TNPO1: variants seen among roughly 807,000 people sequenced by gnomAD.
TNPO1 encodes transportin 1, also known as transportin-1.
Under a neutral mutation model 119.5 loss-of-function variants are expected in TNPO1, and 8 were observed. That is an observed-to-expected ratio of 0.07 (90% CI 0.04 to 0.12). TNPO1 has a LOEUF of 0.12. TNPO1 is among the 10% of genes least tolerant of loss of function. The probability of loss-of-function intolerance (pLI) is 1.00; values close to 1 mark genes in which losing one functional copy is unlikely to be tolerated. For missense variants in TNPO1, 576 were observed against 1,089.8 expected, an observed-to-expected ratio of 0.53 and a Z score of 6.64; for synonymous variants, 362 against 363.0, an observed-to-expected ratio of 1.00 and a Z score of 0.03.
At chr5:72,871,099 C>T (rs1234997690) in intron 6 of TNPO1, among the ~76,000 whole-genome samples, 1 of 152,102 alleles carries the variant, frequency 6.6e-6, no homozygotes, top group Non-Finnish European at 1.5e-5. Flanking sequence ...GCCTCAGCCT[C>T]CCGAATAGCT....
chr5:72,826,601 A>G (rs1308941662), intron 1 of TNPO1, among the ~76,000 whole-genome samples: 1 of 152,218 alleles, frequency 6.6e-6, no homozygotes, highest in Non-Finnish European at 1.5e-5. Context: ...TTGTTAAATG[A>G]ATTGTTCGTG....
chr5:72,882,407 CTT>C (rs1748309739), intron 9 of TNPO1, 58 bp from the exon 10 acceptor site: 1 of 1,299,808 alleles, frequency 7.7e-7, no homozygotes, highest in African/African-American at 1.5e-5. Context: ...AAGGTTAAGA[CTT>C]ATTAATTATT....
intron 4 of TNPO1, among the ~76,000 whole-genome samples, chr5:72,856,610 G>C (rs371230178): frequency 6.6e-6 from 1 of 152,078 alleles, no homozygotes; most frequent in Non-Finnish European, 1.5e-5. Flanking sequence ...CTTTTTAATT[G>C]CTTATGAAAA....
intron 9 of TNPO1, among the ~76,000 whole-genome samples, chr5:72,878,155 GA>G (rs1747948513): frequency 1.3e-5 from 2 of 152,100 alleles, no homozygotes; most frequent in South Asian, 4.1e-4. Context: ...GCTATAGAGA[GA>G]GAGAGAGAGA....
chr5:72,842,204 G>C (rs1015025245), intron 1 of TNPO1, among the ~76,000 whole-genome samples: 5 of 152,222 alleles, frequency 3.3e-5, no homozygotes, highest in Admixed American at 3.3e-4. Context: ...CACCACAAAG[G>C]TATCAAAATA....
chr5:72,875,341 A>G (rs772063366), intron 7 of TNPO1, among the ~76,000 whole-genome samples: 1 of 152,228 alleles, frequency 6.6e-6, no homozygotes, highest in Non-Finnish European at 1.5e-5. Flanking sequence ...AAATGCTCCT[A>G]TGTCCTAATG....
intron 10 of TNPO1, 133 bp from the exon 11 acceptor site, chr5:72,882,931 C>A (rs1432700150): frequency 5.6e-6 from 4 of 709,004 alleles, no homozygotes; most frequent in Non-Finnish European, 9.8e-6. Flanking sequence ...GGGCGTGGTT[C>A]TTAATCACTC....
chr5:72,867,266 G>T (rs1746978998), intron 6 of TNPO1, among the ~76,000 whole-genome samples: 1 of 151,884 alleles, frequency 6.6e-6, no homozygotes, highest in Non-Finnish European at 1.5e-5. Flanking sequence ...GTATATTTGG[G>T]TAATAACTAT....
chr5:72,877,715 A>G (rs1343278275), intron 9 of TNPO1, among the ~76,000 whole-genome samples: 3 of 152,138 alleles, frequency 2.0e-5, no homozygotes, highest in Non-Finnish European at 4.4e-5. Context: ...TTGTGATGCA[A>G]CAGAATTTAG....
At position 72,885,663 on chromosome 5, in the gene TNPO1, T is replaced by C. The variant is rs1029216116; in HGVS notation, c.1151-1407T>C. Among the ~76,000 whole-genome samples, 44 of 152,138 alleles carry C rather than the reference T, an allele frequency of 2.9e-4. 2 individuals are homozygous for C. The highest frequency in any genetic ancestry group is 1.2e-3 in the East Asian group (6 of 5,196). ...ACTGTTTAGTTGTATGGCTCTACCATGTGGTATAACTAAGATCCTTATTGA... is the reference window on the plus strand; with the variant it reads ...ACTGTTTAGTTGTATGGCTCTACCACGTGGTATAACTAAGATCCTTATTGA... On this transcript the variant is annotated intron_variant, in intron 11 of 24. Transcript: ENST00000337273.
chr5:72,875,351 G>A (rs1381016179), intron 7 of TNPO1, among the ~76,000 whole-genome samples: 1 of 152,108 alleles, frequency 6.6e-6, no homozygotes, highest in Non-Finnish European at 1.5e-5. Flanking sequence ...ATGTCCTAAT[G>A]ACATGGTTTC....
rs1401163021 is a variant in TNPO1 at position 72,882,459 on chromosome 5, C to A, written c.921-8C>A. The A allele has an allele frequency of 1.2e-6, 2 of 1,602,664 alleles. No individual in the cohort carries two copies. The highest frequency in any genetic ancestry group is 1.7e-5 in the Admixed American group (1 of 58,920). ...AGGTCTTTGTTTCATGAATTTCTTT[C>A]TTTATAGGTTGATTCCTGTGTTAGT... On this transcript the variant is annotated splice_region_variant and splice_polypyrimidine_tract_variant and intron_variant, in intron 9 of 24. Coordinates refer to ENST00000337273, the MANE Select transcript of TNPO1 (RefSeq NM_002270.4).
chr5:72,902,608 C>T (rs1164041676), intron 22 of TNPO1, among the ~76,000 whole-genome samples: 3 of 151,500 alleles, frequency 2.0e-5, no homozygotes, highest in South Asian at 2.1e-4. Context: ...AAGTATCTTC[C>T]GACCAAGATT....
At chr5:72,853,929 G>A (rs896117698) in intron 3 of TNPO1, among the ~76,000 whole-genome samples, 3 of 152,130 alleles carry the variant, frequency 2.0e-5, no homozygotes, top group Admixed American at 1.3e-4. Flanking sequence ...GTAAAACAAA[G>A]GAAATCGTTA....
At chr5:72,841,110 ACT>A (rs200571095) in intron 1 of TNPO1, among the ~76,000 whole-genome samples, 102 of 138,130 alleles carry the variant, frequency 7.4e-4, no homozygotes, top group African/African-American at 2.5e-3. Context: ...CTGGTTTTAG[ACT>A]CTCTCTCTTT....
intron 6 of TNPO1, among the ~76,000 whole-genome samples, chr5:72,866,667 T>C (rs1278480766): frequency 6.6e-6 from 1 of 152,032 alleles, no homozygotes; most frequent in Admixed American, 6.6e-5. Flanking sequence ...GGTGGGAGGA[T>C]TGCTTAAGCC....
intron 3 of TNPO1, among the ~76,000 whole-genome samples, chr5:72,855,145 A>G (rs1355896032): frequency 6.6e-6 from 1 of 151,930 alleles, no homozygotes; most frequent in Non-Finnish European, 1.5e-5. Flanking sequence ...AAAGGCACAC[A>G]CCACCATGCC....
chr5:72,858,740 GGCAGGA>G (rs1409825142), intron 4 of TNPO1, among the ~76,000 whole-genome samples: 1 of 152,076 alleles, frequency 6.6e-6, no homozygotes, highest in Non-Finnish European at 1.5e-5. Context: ...TGGAGGCTGA[GGCAGGA>G]GAATGGCATG....
chr5:72,877,477 A>G, intron 9 of TNPO1, 131 bp downstream of exon 9: 1 of 497,928 alleles, frequency 2.0e-6, no homozygotes, highest in Non-Finnish European at 3.5e-6. Context: ...ACTTAATTTT[A>G]TTGTTGGTAA....
Sources: gnomAD v4.1 joint callset for allele counts (sites outside exome capture counted in the v4.1 genomes callset) on GRCh38, gnomAD v4.1.1 for gene constraint, MANE v1.5 for transcripts, NCBI Gene and HGNC (gene_info 2026-07-23, HGNC 2026-07-21) for gene names.